The following SPTBN1 variants were observed in gnomAD, a reference collection of about 807,000 sequenced individuals.
SPTBN1 encodes the protein spectrin beta, non-erythrocytic 1, also known as spectrin beta chain, non-erythrocytic 1.
Under a neutral mutation model 266.4 loss-of-function variants are expected in SPTBN1, and 32 were observed. The ratio of observed to expected loss-of-function variants is 0.12; its 90% CI spans 0.09 to 0.16. The LOEUF is 0.16. Ranked by LOEUF, SPTBN1 falls within the 10% of genes least tolerant of loss-of-function variation. The probability of loss-of-function intolerance (pLI) is 1.00; values close to 1 mark genes in which losing one functional copy is unlikely to be tolerated. For missense variants in SPTBN1, 2,296 were observed against 3,067.1 expected (o/e 0.75, Z 5.94); for synonymous variants, 1,336 against 1,162.2 (o/e 1.15, Z -3.04).
intron 1 of SPTBN1, among the ~76,000 whole-genome samples, chr2:54,467,979 G>A (rs767511289): frequency 6.6e-6 from 1 of 152,112 alleles, no homozygotes; most frequent in African/African-American, 2.4e-5. Context: ...AAAATCACTA[G>A]ATACTATGTG....
chr2:54,486,719 A>T (rs557162311), intron 1 of SPTBN1, among the ~76,000 whole-genome samples: 8 of 151,152 alleles, frequency 5.3e-5, no homozygotes, highest in African/African-American at 1.5e-4. Flanking sequence ...ATGATCAATT[A>T]AAAAAAAATA....
Position 54,547,563 on chromosome 2 carries a change from TAC to T in SPTBN1, c.148+20999_148+21000del, listed in dbSNP as rs1220576410. Among the ~76,000 whole-genome samples the T allele has an allele frequency of 2.6e-5, 4 of 152,366 alleles. No homozygotes were observed. The East Asian group carries it at 7.7e-4, about 29-fold the overall frequency. On this transcript the variant is annotated intron_variant, in intron 2 of 35. Transcript: ENST00000356805. ...TATTTCCCACAGCAGCTGCACCATT[TAC>T]ATTCCTACCAACAGCGTACAAGGGT... is the stretch of plus-strand genomic sequence containing the variant.
Position 54,645,801 on chromosome 2 carries a change from C to A in SPTBN1, c.4495-127C>A. Reference sequence around the variant, plus strand: ...ACAAGGGCGTGCTTCCCCAGACAGCCCTCCCGAGGGGGCTGAGCACTCTCT... The same window carrying A: ...ACAAGGGCGTGCTTCCCCAGACAGCACTCCCGAGGGGGCTGAGCACTCTCT... On this transcript the variant is annotated intron_variant, in intron 21 of 35. Transcript: ENST00000356805. This position sits in a 1 kb window ranked among gnomAD's most constrained non-coding sequence, Gnocchi z 4.3. 2 of 990,362 alleles carry A rather than the reference C, an allele frequency of 2.0e-6. No homozygotes were observed. The highest frequency in any genetic ancestry group is 1.5e-5 in the South Asian group (1 of 65,602). 61.3% of individuals were successfully genotyped at this position (990,362 alleles called of 1,614,324 possible).
chr2:54,527,713 G>C, intron 2 of SPTBN1: 1 of 152,136 alleles, frequency 6.6e-6, no homozygotes, highest in East Asian at 1.9e-4. Context: ...TGGCCCCCTT[G>C]GACTATGGAC....
intron 1 of SPTBN1, among the ~76,000 whole-genome samples, chr2:54,492,505 C>G (rs1305768347): frequency 6.6e-6 from 1 of 152,140 alleles, no homozygotes; most frequent in Non-Finnish European, 1.5e-5. Context: ...CTGTGTCATT[C>G]CTGTGACCTC....
At chr2:54,524,550 C>G (rs533441690) in intron 1 of SPTBN1, among the ~76,000 whole-genome samples, 3 of 152,190 alleles carry the variant, frequency 2.0e-5, no homozygotes, top group African/African-American at 4.8e-5. Context: ...AGAGCTGCAC[C>G]GCCATCATTT....
intron 1 of SPTBN1, among the ~76,000 whole-genome samples, chr2:54,466,527 ACTCCAGC>A (rs1166867110): frequency 8.6e-5 from 2 of 23,262 alleles, no homozygotes; most frequent in Non-Finnish European, 1.2e-4. Flanking sequence ...GCGCCACTGC[ACTCCAGC>A]CTGGGCGACA....
intron 17 of SPTBN1, among the ~76,000 whole-genome samples, chr2:54,635,072 T>G (rs1418041125): frequency 6.6e-6 from 1 of 152,204 alleles, no homozygotes; most frequent in Non-Finnish European, 1.5e-5. Flanking sequence ...GGTTCTTGAC[T>G]ATTCACAGAA....
chr2:54,655,841 G>C (rs573986627), intron 28 of SPTBN1, 73 bp from the exon 29 acceptor site: 224 of 1,145,262 alleles, frequency 2.0e-4, no homozygotes, highest in Non-Finnish European at 2.6e-4. Flanking sequence ...TATTTTTCTA[G>C]TATAAAATGA....
At chr2:54,596,444 G>A in intron 2 of SPTBN1, among the ~76,000 whole-genome samples, 1 of 152,188 alleles carries the variant, frequency 6.6e-6, no homozygotes. Flanking sequence ...GGGGCTTTGT[G>A]TGTCTCTGTT....
rs1192222871 is a variant in SPTBN1, at chr2:54,669,398, G to A, written c.*829G>A. On this transcript the variant is annotated 3_prime_UTR_variant, in exon 36 of 36. Transcript: ENST00000356805. ...CTGGACAAAGTAATGTTACTCTAATGGTTACTTGCTCGTGCGTTGCCACAC... is the reference window on the plus strand; with the variant it reads ...CTGGACAAAGTAATGTTACTCTAATAGTTACTTGCTCGTGCGTTGCCACAC... 6.6e-6 allele frequency: 1 copy of A among 152,582 alleles called. No individual in the cohort carries two copies. Among genetic ancestry groups the A allele is most frequent in the Non-Finnish European group, 1.5e-5 (1 of 68,022 alleles). 9.5% of individuals were successfully genotyped at this position (152,582 alleles called of 1,614,324 possible). A position where few individuals can be genotyped will look rare whatever the true frequency, so the allele number is the denominator to read the frequency against.
At chr2:54,656,049 G>T in intron 29 of SPTBN1, 51 bp downstream of exon 29, 1 of 1,480,804 alleles carries the variant, frequency 6.8e-7, no homozygotes, top group African/African-American at 1.4e-5. Flanking sequence ...TGGAAAACAT[G>T]CACGTTTATT....
chr2:54,601,214 C>T (rs1676477660), intron 3 of SPTBN1, among the ~76,000 whole-genome samples: 1 of 152,074 alleles, frequency 6.6e-6, no homozygotes, highest in African/African-American at 2.4e-5. Context: ...GCCCCTAGTG[C>T]CTTCATTTGT....
intron 1 of SPTBN1, among the ~76,000 whole-genome samples, chr2:54,486,592 G>T (rs1175646623): frequency 1.3e-5 from 2 of 152,262 alleles, no homozygotes; most frequent in East Asian, 3.9e-4. Flanking sequence ...GTGGAAGGCA[G>T]CAGGGTCCTC....
chr2:54,622,385 C>G lies in SPTBN1; in HGVS notation c.962C>G (p.Thr321Ser). Residue 321 changes from threonine (T) to serine (S), a missense_variant, in exon 9 of 36, where the codon ACC becomes AGC. This residue lies in a region of SPTBN1 where 148 missense variants were observed against 203.8 expected (regional missense o/e 0.73). Transcript: ENST00000356805. Reference protein sequence around the residue: ...ASDLLEWIEQTIIILNNRKFA... With the variant: ...ASDLLEWIEQSIIILNNRKFA... ...GACCTTCTGGAATGGATTGAACAAA[C>G]CATCATCATTCTGAACAATCGCAAA... The G allele has an allele frequency of 1.9e-6, 3 of 1,614,164 alleles. No homozygotes were observed. Among genetic ancestry groups the G allele is most frequent in the East Asian group, 2.2e-5 (1 of 44,890 alleles).
At chr2:54,588,844 G>A (rs767089196) in intron 2 of SPTBN1, among the ~76,000 whole-genome samples, 48 of 152,080 alleles carry the variant, frequency 3.2e-4, no homozygotes, top group Non-Finnish European at 5.7e-4. Flanking sequence ...TTTATCACAA[G>A]GTCCTAATTC....
chr2:54,611,526 G>C (rs1452397969), intron 3 of SPTBN1, among the ~76,000 whole-genome samples: 1 of 151,970 alleles, frequency 6.6e-6, no homozygotes, highest in African/African-American at 2.4e-5. Context: ...CACCTTCCAA[G>C]GGCCTCTTTT....
At chr2:54,643,236 T>A (rs2104032326) in intron 19 of SPTBN1, 107 bp downstream of exon 19, 1 of 1,465,360 alleles carries the variant, frequency 6.8e-7, no homozygotes, top group Non-Finnish European at 9.2e-7. Flanking sequence ...ATCTGTACAT[T>A]TACGTAAGTT....
rs1342766453 is a variant in SPTBN1, at chr2:54,612,582, C to T, written c.474+248C>T. Among the ~76,000 whole-genome samples, 3 of 152,198 alleles carry T rather than the reference C, an allele frequency of 2.0e-5. No individual in the cohort carries two copies. In the East Asian group the frequency reaches 5.8e-4, roughly 29 times the overall value. On this transcript the variant is annotated intron_variant, in intron 4 of 35. Transcript: ENST00000356805. ...AGCTTTCCTGTCAGACACATCTCAG[C>T]GGCCCAGGGGCTTCTAGGCTGCATC...
Sources: allele counts gnomAD v4.1 joint callset (sites outside exome capture counted in the v4.1 genomes callset), GRCh38; gene constraint gnomAD v4.1.1; regional missense constraint gnomAD v4.1.1; non-coding constraint Gnocchi (gnomAD v3.1); transcripts MANE v1.5; gene names NCBI Gene and HGNC (gene_info 2026-07-23, HGNC 2026-07-21).